The following FAM163B variants were observed in gnomAD, a reference collection of about 807,000 sequenced individuals.
FAM163B encodes the protein protein FAM163B.
FAM163B carries 4 observed loss-of-function variants against 7.6 expected under a neutral mutation model. That is an observed-to-expected ratio of 0.52 (90% CI 0.26 to 1.20). The LOEUF (loss-of-function observed/expected upper bound fraction) is 1.20, where lower values mean the gene tolerates loss of function less well. Ranked by LOEUF, FAM163B falls within the 50% of genes most tolerant of loss-of-function variation. The pLI, the probability that FAM163B is intolerant of heterozygous loss-of-function variation, is 0.14. For synonymous variants in FAM163B, 120 were observed against 111.6 expected, an observed-to-expected ratio of 1.07 and a Z score of -0.47; for missense variants, 250 against 243.0, an observed-to-expected ratio of 1.03 and a Z score of -0.19.
rs1398733464 is a variant in FAM163B, at chr9:133,609,322, C to G, written c.-269G>C. Among the ~76,000 whole-genome samples the G allele has an allele frequency of 6.7e-6, 1 of 149,648 alleles. No individual in the cohort carries two copies. The highest frequency in any genetic ancestry group is 1.5e-5 in the Non-Finnish European group (1 of 67,084). ...TCCGCGCTGCGGCCGCGACTCCGGA[C>G]GCCCCGGCTGGCTCCCTGCGAGCTG... On this transcript the variant is annotated 5_prime_UTR_variant, in exon 1 of 3. Transcript: ENST00000673969.
intron 1 of FAM163B, among the ~76,000 whole-genome samples, chr9:133,590,156 C>T (rs1831527313): frequency 9.6e-6 from 1 of 103,922 alleles, no homozygotes; most frequent in Non-Finnish European, 2.0e-5. Flanking sequence ...CTCCCCTTCC[C>T]CTCCCCTTCC....
chr9:133,589,231 TTAA>T (rs1483014056), intron 1 of FAM163B, among the ~76,000 whole-genome samples: 1 of 152,160 alleles, frequency 6.6e-6, no homozygotes, highest in African/African-American at 2.4e-5. Context: ...CCTATACCTC[TTAA>T]TAATAATAAG....
In FAM163B at chr9:133,606,568, A is replaced by G. The variant is rs992340990; in HGVS notation, c.-24+2509T>C. 2.6e-5 allele frequency among the ~76,000 whole-genome samples: 4 copies of G among 152,194 alleles called. No individual in the cohort carries two copies. Among genetic ancestry groups the G allele is most frequent in the African/African-American group, 4.8e-5 (2 of 41,446 alleles). On this transcript the variant is annotated intron_variant, in intron 1 of 2. Transcript: ENST00000673969. This position sits in a 1 kb window ranked among gnomAD's most constrained non-coding sequence, Gnocchi z 4.0. ...CCCATGTGCCAGCAGGGAAGGCAGG[A>G]GCACCCTCATTTTTGCAGATGGGGA... is the stretch of plus-strand genomic sequence containing the variant.
intron 1 of FAM163B, among the ~76,000 whole-genome samples, chr9:133,587,325 C>T: frequency 6.6e-6 from 1 of 152,184 alleles, no homozygotes; most frequent in Non-Finnish European, 1.5e-5. Context: ...GGAGCTGGAG[C>T]CAACGCCAAG....
At chr9:133,589,577 G>A (rs913162633) in intron 1 of FAM163B, among the ~76,000 whole-genome samples, 1 of 152,130 alleles carries the variant, frequency 6.6e-6, no homozygotes, top group Non-Finnish European at 1.5e-5. Flanking sequence ...ATGAAGGCAA[G>A]AACCTGGTTT....
chr9:133,607,007 G>C (rs903140261), intron 1 of FAM163B, among the ~76,000 whole-genome samples: 5 of 152,214 alleles, frequency 3.3e-5, no homozygotes, highest in African/African-American at 4.8e-5. Flanking sequence ...AAACGGGGGT[G>C]ATCATGTGAG....
At chr9:133,602,872 C>T (rs1831746917) in intron 1 of FAM163B, among the ~76,000 whole-genome samples, 1 of 152,172 alleles carries the variant, frequency 6.6e-6, no homozygotes, top group African/African-American at 2.4e-5. Context: ...GAACCAGAAT[C>T]GAATCATTAT....
At chr9:133,608,449 A>ACC (rs141900341) in intron 1 of FAM163B, among the ~76,000 whole-genome samples, 13 of 142,320 alleles carry the variant, frequency 9.1e-5, no homozygotes, top group African/African-American at 1.5e-4. Context: ...TCAGTTAGGC[A>ACC]ACCCCCCACC....
intron 1 of FAM163B, among the ~76,000 whole-genome samples, chr9:133,583,765 C>T (rs1033773608): frequency 6.6e-6 from 1 of 152,206 alleles, no homozygotes; most frequent in Non-Finnish European, 1.5e-5. Context: ...GTGCCCAGGG[C>T]TGTCAGCAGC....
chr9:133,589,862 C>T (rs1831510575), intron 1 of FAM163B, among the ~76,000 whole-genome samples: 1 of 151,428 alleles, frequency 6.6e-6, no homozygotes, highest in African/African-American at 2.4e-5. Context: ...ACATTCTGGG[C>T]TGCAGTTTCC....
chr9:133,578,566 G>C lies in FAM163B; in HGVS notation c.*456C>G. 1 of 164,350 alleles carries C rather than the reference G, an allele frequency of 6.1e-6. No individual in the cohort carries two copies. Among genetic ancestry groups the C allele is most frequent in the African/African-American group, 2.4e-5 (1 of 41,988 alleles). 10.2% of individuals were successfully genotyped at this position (164,350 alleles called of 1,614,324 possible). A position where few individuals can be genotyped will look rare whatever the true frequency, so the allele number is the denominator to read the frequency against. ...TCAAGGTGGAGGAGCAGAATCCTTGGTCTGCAATTGCCAGGGAGGGCCTTG... is the reference window on the plus strand; with the variant it reads ...TCAAGGTGGAGGAGCAGAATCCTTGCTCTGCAATTGCCAGGGAGGGCCTTG... On this transcript the variant is annotated 3_prime_UTR_variant, in exon 3 of 3. Transcript: ENST00000673969.
At chr9:133,592,004 C>T (rs1316103390) in intron 1 of FAM163B, among the ~76,000 whole-genome samples, 1 of 152,138 alleles carries the variant, frequency 6.6e-6, no homozygotes, top group Non-Finnish European at 1.5e-5. Context: ...AGGAAGCCTG[C>T]GTGACCTCCC....
intron 1 of FAM163B, among the ~76,000 whole-genome samples, chr9:133,592,712 A>G (rs1013509985): frequency 2.6e-5 from 4 of 152,178 alleles, no homozygotes; most frequent in Non-Finnish European, 2.9e-5. Flanking sequence ...CTTTACTTAA[A>G]GCACCATCAG....
At chr9:133,608,632 G>A (rs765424401) in intron 1 of FAM163B, among the ~76,000 whole-genome samples, 7 of 152,234 alleles carry the variant, frequency 4.6e-5, no homozygotes, top group African/African-American at 1.7e-4. Flanking sequence ...CCCCTTTCTC[G>A]TGGGTGTTGG....
intron 1 of FAM163B, among the ~76,000 whole-genome samples, chr9:133,589,810 G>C (rs752717205): frequency 1.3e-5 from 2 of 152,106 alleles, no homozygotes; most frequent in African/African-American, 2.4e-5. Context: ...GCCAGGCCAG[G>C]GCTTCAGGCC....
At chr9:133,605,558 GGGACCCACTCCCACAGGCAC>G (rs1435783118) in intron 1 of FAM163B, among the ~76,000 whole-genome samples, 1 of 152,208 alleles carries the variant, frequency 6.6e-6, no homozygotes, top group Non-Finnish European at 1.5e-5. Context: ...CGGTCCGGCA[GGGACCCACTCCCACAGGCAC>G]GGACGGCTCC....
rs1315065906 is a variant in FAM163B, at chr9:133,600,799, G to A, written c.-24+8278C>T. ...CCTCTTCGATTCGGAAGGGACTTTG[G>A]AAGATAACTAGTGTAATCGCAAGCT... On this transcript the variant is annotated intron_variant, in intron 1 of 2. Transcript: ENST00000673969. This position sits in a 1 kb window ranked among gnomAD's most constrained non-coding sequence, Gnocchi z 4.9. 2.6e-5 allele frequency among the ~76,000 whole-genome samples: 4 copies of A among 152,164 alleles called. No homozygotes were observed. The East Asian group carries it at 7.7e-4, about 29-fold the overall frequency.
At chr9:133,592,390 C>A (rs903551202) in intron 1 of FAM163B, among the ~76,000 whole-genome samples, 2 of 152,184 alleles carry the variant, frequency 1.3e-5, no homozygotes, top group African/African-American at 4.8e-5. Context: ...TGCCCCTGGG[C>A]GGCCTGAGAG....
rs1414112868 is a variant in FAM163B at position 133,606,200 on chromosome 9, G to A, written c.-24+2877C>T. The stretch of plus-strand genomic sequence containing the variant: ...TCCACAGCCAGAAAGCAGCAAAGCT[G>A]GGCTTTCAACTCTACCTCCACCAGC... On this transcript the variant is annotated intron_variant, in intron 1 of 2. Coordinates refer to ENST00000673969, the MANE Select transcript of FAM163B (RefSeq NM_001080515.3). This position sits in a 1 kb window ranked among gnomAD's most constrained non-coding sequence, Gnocchi z 4.0. Among the ~76,000 whole-genome samples the A allele has an allele frequency of 6.6e-6, 1 of 152,144 alleles. No homozygotes were observed. Among genetic ancestry groups the A allele is most frequent in the Non-Finnish European group, 1.5e-5 (1 of 68,020 alleles).
Sources: allele counts gnomAD v4.1 joint callset (sites outside exome capture counted in the v4.1 genomes callset), GRCh38; gene constraint gnomAD v4.1.1; non-coding constraint Gnocchi (gnomAD v3.1); transcripts MANE v1.5; gene names NCBI Gene and HGNC (gene_info 2026-07-23, HGNC 2026-07-21).